OSMR: variants seen among roughly 807,000 people sequenced by gnomAD.
OSMR encodes the protein oncostatin M receptor, also known as oncostatin-M-specific receptor subunit beta.
In OSMR, 81 loss-of-function variants were observed where a neutral mutation model predicts 99.9. The observed-to-expected ratio is 0.81, with a 90% confidence interval of 0.68 to 0.97. The LOEUF (loss-of-function observed/expected upper bound fraction) is 0.97. Among genes scored for constraint, OSMR ranks in the 50% least tolerant of loss-of-function variants. OSMR has a pLI of 0.00. For missense variants in OSMR, 1,099 were observed against 1,153.4 expected, an observed-to-expected ratio of 0.95 and a Z score of 0.68; for synonymous variants, 406 against 410.4, an observed-to-expected ratio of 0.99 and a Z score of 0.13.
At chr5:38,854,462 T>G (rs571192473) in intron 1 of OSMR, among the ~76,000 whole-genome samples, 1 of 152,312 alleles carries the variant, frequency 6.6e-6, no homozygotes, top group Admixed American at 6.5e-5. Context: ...AATGAGATTT[T>G]GCAAAGAGAC....
At chr5:38,919,413 A>G in intron 11 of OSMR, 1 of 1,194,380 alleles carries the variant, frequency 8.4e-7, no homozygotes, top group Non-Finnish European at 1.1e-6. Flanking sequence ...TGAAATAGGA[A>G]TTGCATTTAC....
chr5:38,899,707 G>A (rs1744770675), intron 7 of OSMR, among the ~76,000 whole-genome samples: 2 of 152,192 alleles, frequency 1.3e-5, no homozygotes, highest in African/African-American at 4.8e-5. Context: ...TGTCATCTGA[G>A]AGATAGGGCC....
At chr5:38,877,018 G>C (rs1742893448) in intron 3 of OSMR, among the ~76,000 whole-genome samples, 1 of 152,122 alleles carries the variant, frequency 6.6e-6, no homozygotes, top group Admixed American at 6.5e-5. Context: ...GGTCAGTTTT[G>C]CCTGAGGTGT....
At chr5:38,873,901 C>T (rs1010069414) in intron 2 of OSMR, among the ~76,000 whole-genome samples, 8 of 151,976 alleles carry the variant, frequency 5.3e-5, no homozygotes, top group African/African-American at 9.7e-5. Context: ...GGTGTGATCA[C>T]GGTTCACTGC....
intron 12 of OSMR, 86 bp downstream of exon 12, chr5:38,921,880 T>TCAAA: frequency 2.6e-6 from 3 of 1,143,282 alleles, no homozygotes; most frequent in Non-Finnish European, 4.0e-6. Context: ...TCACAGACTT[T>TCAAA]GACTGTGCTA....
intron 9 of OSMR, among the ~76,000 whole-genome samples, chr5:38,916,613 A>G (rs1451782966): frequency 6.6e-6 from 1 of 152,198 alleles, no homozygotes; most frequent in Non-Finnish European, 1.5e-5. Context: ...AAATGGTTTA[A>G]TACATAGGTA....
At chr5:38,919,950 C>A (rs746761948) in intron 11 of OSMR, among the ~76,000 whole-genome samples, 1 of 152,108 alleles carries the variant, frequency 6.6e-6, no homozygotes, top group Non-Finnish European at 1.5e-5. Context: ...GAAAAACCAA[C>A]CTAAGTTGGT....
At chr5:38,925,428 T>C (rs1292127123) in intron 15 of OSMR, 57 bp downstream of exon 15, 34 of 1,445,690 alleles carry the variant, frequency 2.4e-5, no homozygotes, top group Non-Finnish European at 2.9e-5. Context: ...ACTAACAAAT[T>C]ACAGAAGTGT....
intron 9 of OSMR, among the ~76,000 whole-genome samples, chr5:38,910,913 G>A (rs984491468): frequency 6.6e-6 from 1 of 152,176 alleles, no homozygotes; most frequent in African/African-American, 2.4e-5. Flanking sequence ...GGGAGGCTGA[G>A]GCAGGAGAAT....
chr5:38,901,803 C>T (rs927678512), intron 7 of OSMR, among the ~76,000 whole-genome samples: 14 of 152,114 alleles, frequency 9.2e-5, no homozygotes, highest in Non-Finnish European at 2.1e-4. Context: ...GGCCTGTTGT[C>T]GCAAAGAACC....
At chr5:38,905,022 A>C (rs952036678) in intron 9 of OSMR, among the ~76,000 whole-genome samples, 3 of 152,210 alleles carry the variant, frequency 2.0e-5, no homozygotes, top group African/African-American at 7.2e-5. Flanking sequence ...TTCCTGCTAA[A>C]TAACTATGTC....
chr5:38,848,556 C>T (rs1366097298), intron 1 of OSMR, among the ~76,000 whole-genome samples: 1 of 152,196 alleles, frequency 6.6e-6, no homozygotes, highest in Non-Finnish European at 1.5e-5. Context: ...CATCACCATC[C>T]TCCCTCCTCC....
At chr5:38,890,398 T>G (rs963064114) in intron 7 of OSMR, among the ~76,000 whole-genome samples, 1 of 151,440 alleles carries the variant, frequency 6.6e-6, no homozygotes, top group East Asian at 2.2e-4. Flanking sequence ...AGATTTTGAC[T>G]TGTTAATCTG....
At chr5:38,862,344 T>C (rs1579641694) in intron 1 of OSMR, among the ~76,000 whole-genome samples, 3 of 93,398 alleles carry the variant, frequency 3.2e-5, no homozygotes, top group African/African-American at 4.7e-5. Flanking sequence ...GCAGAGGGGC[T>C]CCTCACTTCC....
Position 38,932,870 on chromosome 5 carries a change from A to G in OSMR, c.2368-2A>G. 6.2e-7 allele frequency: 1 copy of G among 1,613,896 alleles called. No individual in the cohort carries two copies. The highest frequency in any genetic ancestry group is 8.5e-7 in the Non-Finnish European group (1 of 1,179,870). ...ATTTACATATTTTTGTTTCCTTTCT[A>G]GGAGAACCCTCACCTAATAATAATG... On this transcript the variant is annotated splice_acceptor_variant, in intron 17 of 17. Transcript: ENST00000274276. LOFTEE classifies it high-confidence loss of function.
In OSMR at chr5:38,883,946, T is replaced by A; in HGVS notation, c.538T>A (p.Tyr180Asn). ...SRNIQNNVSC[Y>N]LEGKQIHGEQ... is the part of the protein sequence containing the mutation. ...GAACATTCAAAATAATGTATCCTGT[T>A]ATTTGGAAGGGAAACAGATTCATGG... The change falls in exon 5 of 18, where the codon TAT becomes AAT. Residue 180 changes from tyrosine to asparagine, a missense_variant. Coordinates refer to ENST00000274276, the MANE Select transcript of OSMR (RefSeq NM_003999.3). 6.2e-7 allele frequency: 1 copy of A among 1,614,040 alleles called. No individual in the cohort carries two copies.
In OSMR at chr5:38,864,840, A is replaced by T. The variant is rs117705919; in HGVS notation, c.-13-4192A>T. The stretch of plus-strand genomic sequence containing the variant: ...AAATAGATTTTCAATGTCATTGCCC[A>T]TGTCTTTTCCTTATAGAACACCAAA... On this transcript the variant is annotated intron_variant, in intron 1 of 17. Coordinates refer to ENST00000274276, the MANE Select transcript of OSMR (RefSeq NM_003999.3). 4.7e-4 allele frequency among the ~76,000 whole-genome samples: 71 copies of T among 152,224 alleles called. No homozygotes were observed. In the East Asian group the frequency reaches 0.013, roughly 28 times the overall value.
chr5:38,893,659 A>G (rs1463303841), intron 7 of OSMR, among the ~76,000 whole-genome samples: 1 of 152,238 alleles, frequency 6.6e-6, no homozygotes, highest in Non-Finnish European at 1.5e-5. Flanking sequence ...CAAAGTCTTT[A>G]AGAAATATGG....
At chr5:38,922,231 T>C (rs1418773692) in intron 12 of OSMR, among the ~76,000 whole-genome samples, 1 of 152,126 alleles carries the variant, frequency 6.6e-6, no homozygotes, top group Non-Finnish European at 1.5e-5. Context: ...GGATTTGTAA[T>C]GTGAAGATTG....
Sources: gnomAD v4.1 joint callset for allele counts (sites outside exome capture counted in the v4.1 genomes callset) on GRCh38, gnomAD v4.1.1 for gene constraint, MANE v1.5 for transcripts, NCBI Gene and HGNC (gene_info 2026-07-23, HGNC 2026-07-21) for gene names.